SSBP2: variants seen among roughly 807,000 people sequenced by gnomAD.
SSBP2 encodes the protein single-stranded DNA-binding protein 2.
In SSBP2, 17 loss-of-function variants were observed where a neutral mutation model predicts 61.8. The ratio of observed to expected loss-of-function variants is 0.28; its 90% CI spans 0.19 to 0.41. SSBP2 has a LOEUF of 0.41. Ranked by LOEUF, SSBP2 falls within the 10% of genes least tolerant of loss-of-function variation. SSBP2 has a pLI of 1.00. For synonymous variants in SSBP2, 139 were observed against 141.3 expected, an observed-to-expected ratio of 0.98 and a Z score of 0.12; for missense variants, 310 against 458.7, an observed-to-expected ratio of 0.68 and a Z score of 2.96.
intron 6 of SSBP2, among the ~76,000 whole-genome samples, chr5:81,482,019 G>A (rs1001249858): frequency 5.9e-5 from 9 of 152,056 alleles, no homozygotes; most frequent in Admixed American, 4.6e-4. Context: ...TTGGCTGACT[G>A]CAACCTCTGC....
intron 1 of SSBP2, among the ~76,000 whole-genome samples, chr5:81,718,534 A>T (rs1755328296): frequency 6.6e-6 from 1 of 152,196 alleles, no homozygotes; most frequent in Admixed American, 6.5e-5. Flanking sequence ...AATGAAAAAA[A>T]CATCCCTACA....
At chr5:81,570,956 A>G (rs1773792187) in intron 4 of SSBP2, among the ~76,000 whole-genome samples, 1 of 152,184 alleles carries the variant, frequency 6.6e-6, no homozygotes, top group Non-Finnish European at 1.5e-5. Flanking sequence ...GCTCTAAAAG[A>G]TTTTTGAAGA....
intron 4 of SSBP2, among the ~76,000 whole-genome samples, chr5:81,522,219 A>G (rs560346579): frequency 6.6e-6 from 1 of 152,178 alleles, no homozygotes; most frequent in East Asian, 1.9e-4. Flanking sequence ...AATGCTTACA[A>G]ATGGCATTAT....
intron 5 of SSBP2, among the ~76,000 whole-genome samples, chr5:81,509,087 T>G (rs1018353894): frequency 1.3e-5 from 2 of 152,196 alleles, no homozygotes; most frequent in Admixed American, 1.3e-4. Flanking sequence ...GGAAAAACTA[T>G]TTAGCACCCT....
At chr5:81,709,021 G>A (rs1419157870) in intron 1 of SSBP2, among the ~76,000 whole-genome samples, 4 of 152,092 alleles carry the variant, frequency 2.6e-5, no homozygotes, top group Admixed American at 2.6e-4. Context: ...TAGTTTGATG[G>A]AAGAGCCAGG....
chr5:81,476,455 A>G (rs1205168651), intron 6 of SSBP2, among the ~76,000 whole-genome samples: 1 of 152,168 alleles, frequency 6.6e-6, no homozygotes, highest in East Asian at 1.9e-4. Flanking sequence ...TGTCCTCAAC[A>G]ATTTTAAAGA....
At chr5:81,511,273 T>C (rs1768583726) in intron 5 of SSBP2, among the ~76,000 whole-genome samples, 1 of 152,176 alleles carries the variant, frequency 6.6e-6, no homozygotes, top group African/African-American at 2.4e-5. Flanking sequence ...CTTTCTATGC[T>C]GTAATGGCCT....
intron 9 of SSBP2, among the ~76,000 whole-genome samples, chr5:81,465,219 A>C (rs1295386747): frequency 6.6e-6 from 1 of 152,072 alleles, no homozygotes; most frequent in African/African-American, 2.4e-5. Context: ...GTTCTTTACA[A>C]AGAAGATATT....
At chr5:81,710,653 C>T (rs1337491553) in intron 1 of SSBP2, 1 of 451,806 alleles carries the variant, frequency 2.2e-6, no homozygotes, top group South Asian at 1.6e-5. Context: ...CTAAAAAGCA[C>T]ATTTCCATAG....
chr5:81,718,488 C>A (rs1023615354), intron 1 of SSBP2, among the ~76,000 whole-genome samples: 1 of 152,028 alleles, frequency 6.6e-6, no homozygotes, highest in South Asian at 2.1e-4. Flanking sequence ...AACCTCCTAC[C>A]GGAAGCAGAG....
intron 10 of SSBP2, among the ~76,000 whole-genome samples, chr5:81,455,625 C>CAAAAAAAAAA (rs537363119): frequency 1.6e-4 from 2 of 12,578 alleles, no homozygotes; most frequent in Non-Finnish European, 2.1e-4. Flanking sequence ...GACTCCGTCT[C>CAAAAAAAAAA]AAAAAAAAAA....
chr5:81,525,060 T>C (rs1769813427), intron 4 of SSBP2, among the ~76,000 whole-genome samples: 1 of 152,020 alleles, frequency 6.6e-6, no homozygotes, highest in African/African-American at 2.4e-5. Flanking sequence ...TCAAAGTAAT[T>C]AGGATCTAGT....
intron 1 of SSBP2, among the ~76,000 whole-genome samples, chr5:81,702,401 T>C (rs1447093707): frequency 6.6e-6 from 1 of 151,590 alleles, no homozygotes; most frequent in East Asian, 1.9e-4. Context: ...AAACAAATTC[T>C]GTAATATTTA....
At chr5:81,568,494 G>A (rs539445989) in intron 4 of SSBP2, among the ~76,000 whole-genome samples, 7 of 152,174 alleles carry the variant, frequency 4.6e-5, no homozygotes, top group East Asian at 1.9e-4. Flanking sequence ...TGGGTATGTC[G>A]TTTGCAGCAG....
intron 1 of SSBP2, among the ~76,000 whole-genome samples, chr5:81,749,931 C>T (rs1388193352): frequency 3.9e-5 from 6 of 152,136 alleles, no homozygotes; most frequent in Admixed American, 1.3e-4. Flanking sequence ...TCCCCTCCCA[C>T]AAACCCCTTT....
chr5:81,558,554 G>A (rs1772784226), intron 4 of SSBP2, among the ~76,000 whole-genome samples: 1 of 152,134 alleles, frequency 6.6e-6, no homozygotes, highest in Non-Finnish European at 1.5e-5. Context: ...TTGGCAAAAT[G>A]TAAAATTTTG....
chr5:81,599,390 A>G (rs759912657), intron 4 of SSBP2, among the ~76,000 whole-genome samples: 1 of 152,244 alleles, frequency 6.6e-6, no homozygotes, highest in Non-Finnish European at 1.5e-5. Flanking sequence ...TTTTTAGCCC[A>G]AGGGAGCCTT....
At chr5:81,520,198 TG>T (rs1769359989) in intron 4 of SSBP2, among the ~76,000 whole-genome samples, 1 of 152,190 alleles carries the variant, frequency 6.6e-6, no homozygotes, top group African/African-American at 2.4e-5. Flanking sequence ...TTGGCCAGGC[TG>T]GTCTCAAACT....
In SSBP2 at chr5:81,439,620, C is replaced by T. The variant is rs1296924583; in HGVS notation, c.928+938G>A. Among the ~76,000 whole-genome samples, 8 of 149,986 alleles carry T rather than the reference C, an allele frequency of 5.3e-5. No homozygotes were observed. The East Asian group carries it at 1.6e-3, about 29-fold the overall frequency. On this transcript the variant is annotated intron_variant, in intron 14 of 16. Transcript: ENST00000320672. ...GGGTTCAAACGATTCTCTGCCTTAG[C>T]CTTTTGAGTAACTGGGATTACAGGC...
Sources: allele counts gnomAD v4.1 joint callset (sites outside exome capture counted in the v4.1 genomes callset), GRCh38; gene constraint gnomAD v4.1.1; transcripts MANE v1.5; gene names NCBI Gene and HGNC (gene_info 2026-07-23, HGNC 2026-07-21).